Variants in MIGA1 observed in about 807,000 individuals in gnomAD.
MIGA1 encodes mitoguardin 1.
In MIGA1, 58 loss-of-function variants were observed where a neutral mutation model predicts 82.0. The observed-to-expected ratio is 0.71, with a 90% CI of 0.57 to 0.88. The LOEUF is 0.88. Ranked by LOEUF, MIGA1 falls within the 40% of genes least tolerant of loss-of-function variation. The pLI is 0.00. For synonymous variants in MIGA1, 249 were observed against 253.6 expected, an observed-to-expected ratio of 0.98 and a Z score of 0.17; for missense variants, 751 against 749.1, an observed-to-expected ratio of 1.00 and a Z score of -0.03.
intron 2 of MIGA1, among the ~76,000 whole-genome samples, chr1:77,785,874 G>A (rs551484626): frequency 1.3e-5 from 2 of 152,176 alleles, no homozygotes; most frequent in South Asian, 4.1e-4. Flanking sequence ...GGGGTCTGGA[G>A]GACGGTGGCC....
intron 9 of MIGA1, 91 bp from the exon 10 acceptor site, chr1:77,859,223 G>A: frequency 1.8e-6 from 2 of 1,112,120 alleles, no homozygotes; most frequent in African/African-American, 1.5e-5. Flanking sequence ...TTATATTAAG[G>A]TCCTGAGGTT....
chr1:77,784,595 AATAGTGCACAGTTTTTCCAC>A lies in MIGA1; in HGVS notation c.195+1267_195+1286del, dbSNP rs574528726. 1.0e-3 allele frequency among the ~76,000 whole-genome samples: 153 copies of A among 152,338 alleles called. 5 individuals carry two copies. The South Asian group carries it at 0.031, about 31-fold the overall frequency. ...AGCTGTACCACTTTACGTTTCTACCAATAGTGCACAGTTTTTCCACATAGTGCACAGTTTTTCCACATCCT... is the reference window on the plus strand; with the variant it reads ...AGCTGTACCACTTTACGTTTCTACCAATAGTGCACAGTTTTTCCACATCCT... On this transcript the variant is annotated intron_variant, in intron 2 of 15. Coordinates refer to ENST00000370791, the MANE Select transcript of MIGA1 (RefSeq NM_198549.4).
intron 8 of MIGA1, among the ~76,000 whole-genome samples, chr1:77,846,610 A>G (rs1474536014): frequency 6.6e-6 from 1 of 151,206 alleles, no homozygotes; most frequent in African/African-American, 2.4e-5. Context: ...CTGGGATTAT[A>G]GGTGTGAGCC....
intron 7 of MIGA1, among the ~76,000 whole-genome samples, chr1:77,830,373 C>T (rs2101853958): frequency 6.6e-6 from 1 of 152,134 alleles, no homozygotes; most frequent in Middle Eastern, 3.4e-3. Context: ...TTTAAGTTTA[C>T]ATTTTCTAAT....
At chr1:77,859,540 G>C in intron 10 of MIGA1, 154 bp downstream of exon 10, 1 of 566,104 alleles carries the variant, frequency 1.8e-6, no homozygotes, top group Non-Finnish European at 3.2e-6. Context: ...TTTCCTCCCT[G>C]CTACTTGCCT....
chr1:77,866,214 C>T (rs1685659769), intron 13 of MIGA1, 124 bp from the exon 14 acceptor site: 11 of 837,520 alleles, frequency 1.3e-5, no homozygotes, highest in Admixed American at 2.3e-5. Context: ...TGTGCCCGGC[C>T]GACTAGTTCT....
At chr1:77,854,863 A>T (rs1246496755) in intron 8 of MIGA1, among the ~76,000 whole-genome samples, 1 of 152,140 alleles carries the variant, frequency 6.6e-6, no homozygotes, top group East Asian at 1.9e-4. Flanking sequence ...TACTCTGTCA[A>T]CTGGTCCTTT....
intron 8 of MIGA1, 26 bp downstream of exon 8, chr1:77,843,433 G>T (rs1557923684): frequency 6.4e-7 from 1 of 1,558,434 alleles, no homozygotes; most frequent in East Asian, 2.2e-5. Flanking sequence ...TCCTAATGAG[G>T]ATTTCTGTTT....
At chr1:77,832,853 A>G (rs1445353453) in intron 7 of MIGA1, among the ~76,000 whole-genome samples, 1 of 152,204 alleles carries the variant, frequency 6.6e-6, no homozygotes, top group Non-Finnish European at 1.5e-5. Flanking sequence ...TGGCTGGCAC[A>G]GTTTAAATAT....
At chr1:77,843,157 T>A in intron 7 of MIGA1, 150 bp from the exon 8 acceptor site, 1 of 515,710 alleles carries the variant, frequency 1.9e-6, no homozygotes, top group Admixed American at 3.3e-5. Flanking sequence ...AGTTTCAGAT[T>A]CAGTTAAACA....
intron 5 of MIGA1, chr1:77,810,716 C>T: frequency 2.0e-6 from 2 of 981,838 alleles, no homozygotes; most frequent in Non-Finnish European, 3.0e-6. Context: ...TTCTGTGGTA[C>T]AGCTTTGCAT....
intron 1 of MIGA1, chr1:77,780,188 T>TGGA: frequency 1.0e-6 from 1 of 987,990 alleles, no homozygotes; most frequent in Middle Eastern, 5.2e-4. Context: ...GAGAGCGCGC[T>TGGA]GGAGGTAGGG....
At chr1:77,861,553 C>T (rs1685454361) in intron 12 of MIGA1, 8 of 431,360 alleles carry the variant, frequency 1.9e-5, no homozygotes, top group Non-Finnish European at 3.3e-5. Flanking sequence ...GCTTCCTTCC[C>T]TCCTGTCCTC....
chr1:77,878,838 C>T lies in MIGA1; in HGVS notation c.*3774C>T, dbSNP rs1646914574. The T allele has an allele frequency of 5.3e-6, 2 of 380,784 alleles. No individual in the cohort carries two copies. The highest frequency in any genetic ancestry group is 9.4e-6 in the Non-Finnish European group (2 of 213,862). The allele number at this position is 380,784 out of a possible 1,614,324, so 23.6% of individuals were successfully genotyped here. On this transcript the variant is annotated 3_prime_UTR_variant, in exon 16 of 16. Coordinates refer to ENST00000370791, the MANE Select transcript of MIGA1 (RefSeq NM_198549.4). The stretch of plus-strand genomic sequence containing the variant: ...GTTTTCCATACTGTCACAGTAAGCT[C>T]CAAAGAACTTTGTCTTTCTCATAAA...
chr1:77,866,507 T>G, intron 14 of MIGA1, 116 bp downstream of exon 14: 2 of 938,808 alleles, frequency 2.1e-6, no homozygotes, highest in South Asian at 2.6e-5. Context: ...TAGGAGGGAC[T>G]GTCCCTCAGG....
intron 5 of MIGA1, among the ~76,000 whole-genome samples, chr1:77,808,981 T>C (rs1273534654): frequency 6.6e-6 from 1 of 152,162 alleles, no homozygotes; most frequent in African/African-American, 2.4e-5. Context: ...TATGGTGTCA[T>C]GTACCTGTAG....
intron 7 of MIGA1, among the ~76,000 whole-genome samples, chr1:77,837,718 G>A (rs1684484686): frequency 6.6e-6 from 1 of 152,050 alleles, no homozygotes; most frequent in Non-Finnish European, 1.5e-5. Flanking sequence ...GAAAGTGTTT[G>A]GTTATCCCCA....
intron 7 of MIGA1, among the ~76,000 whole-genome samples, chr1:77,819,406 C>T (rs1683713881): frequency 6.6e-6 from 1 of 151,900 alleles, no homozygotes; most frequent in Admixed American, 6.6e-5. Context: ...GCCTCAGCCT[C>T]CTGAGTAGCT....
intron 2 of MIGA1, among the ~76,000 whole-genome samples, chr1:77,796,912 G>C (rs1373379869): frequency 6.6e-6 from 1 of 152,146 alleles, no homozygotes; most frequent in Non-Finnish European, 1.5e-5. Context: ...GCACCAAACA[G>C]AACAGTTCTT....
Sources: gnomAD v4.1 joint callset for allele counts (sites outside exome capture counted in the v4.1 genomes callset) on GRCh38, gnomAD v4.1.1 for gene constraint, MANE v1.5 for transcripts, NCBI Gene and HGNC (gene_info 2026-07-23, HGNC 2026-07-21) for gene names.